The following PDE4B variants were observed in gnomAD, a reference collection of about 807,000 sequenced individuals.
PDE4B encodes phosphodiesterase 4B.
A neutral mutation model predicts 82.2 loss-of-function variants in PDE4B; 20 were observed. The ratio of observed to expected loss-of-function variants is 0.24; its 90% CI spans 0.17 to 0.35. The LOEUF (loss-of-function observed/expected upper bound fraction) is 0.35, where lower values mean the gene tolerates loss of function less well. Ranked by LOEUF, PDE4B falls within the 10% of genes least tolerant of loss-of-function variation. The pLI is 1.00. For missense variants in PDE4B, 655 were observed against 907.2 expected (o/e 0.72, Z 3.57); for synonymous variants, 320 against 318.9 (o/e 1.00, Z -0.04).
intron 3 of PDE4B, among the ~76,000 whole-genome samples, chr1:66,112,097 A>G (rs1276092777): frequency 5.3e-5 from 8 of 152,142 alleles, no homozygotes; most frequent in Non-Finnish European, 1.2e-4. Flanking sequence ...AGTACTTGTT[A>G]CAGGCAAAGA....
chr1:65,831,184 T>C (rs1646077845), intron 1 of PDE4B, among the ~76,000 whole-genome samples: 1 of 151,680 alleles, frequency 6.6e-6, no homozygotes, highest in African/African-American at 2.4e-5. Context: ...AAATAAATAA[T>C]AAAGATTAGA....
chr1:66,328,147 A>G (rs1659865564), intron 7 of PDE4B, among the ~76,000 whole-genome samples: 1 of 152,218 alleles, frequency 6.6e-6, no homozygotes, highest in South Asian at 2.1e-4. Context: ...TATTATAATT[A>G]TTTACTAAAT....
At chr1:66,353,140 A>G (rs1057506043) in intron 8 of PDE4B, among the ~76,000 whole-genome samples, 2 of 152,198 alleles carry the variant, frequency 1.3e-5, no homozygotes, top group Admixed American at 1.3e-4. Flanking sequence ...AAAACGAAAT[A>G]ATTTGGAATT....
intron 3 of PDE4B, among the ~76,000 whole-genome samples, chr1:66,015,070 C>A (rs922257623): frequency 6.6e-6 from 1 of 152,074 alleles, no homozygotes; most frequent in Admixed American, 6.6e-5. Flanking sequence ...CATATACATC[C>A]AGTTAGGTTT....
At chr1:66,256,897 C>A (rs868735549) in intron 4 of PDE4B, among the ~76,000 whole-genome samples, 2 of 152,160 alleles carry the variant, frequency 1.3e-5, no homozygotes, top group Non-Finnish European at 2.9e-5. Context: ...CTTCTAGTAC[C>A]TTCAATAGAG....
chr1:65,981,912 T>G (rs1650710820), intron 3 of PDE4B, among the ~76,000 whole-genome samples: 1 of 152,172 alleles, frequency 6.6e-6, no homozygotes, highest in Non-Finnish European at 1.5e-5. Flanking sequence ...GCTGATGCCT[T>G]CATTTTTGGA....
chr1:66,253,327 G>A (rs951344035), intron 4 of PDE4B, among the ~76,000 whole-genome samples: 1 of 152,198 alleles, frequency 6.6e-6, no homozygotes. Flanking sequence ...AACAGAGAAA[G>A]GTGGAATGAA....
rs562277747 is a variant in PDE4B, at chr1:65,887,569, C to T, written c.-70-25676C>T. Among the ~76,000 whole-genome samples, 23 of 150,652 alleles carry T rather than the reference C, an allele frequency of 1.5e-4. No homozygotes were observed. In the East Asian group the frequency reaches 1.6e-3, roughly 10 times the overall value. On this transcript the variant is annotated intron_variant, in intron 1 of 16. Transcript: ENST00000341517. ...AGTAGCCAGGACTACAGGTGCCCAC[C>T]AGCATATTTGGCTAATTTTTGTATT... is the stretch of plus-strand genomic sequence containing the variant.
intron 3 of PDE4B, among the ~76,000 whole-genome samples, chr1:65,983,635 A>G (rs1415229972): frequency 6.6e-6 from 1 of 152,208 alleles, no homozygotes; most frequent in Non-Finnish European, 1.5e-5. Flanking sequence ...GAAGGCAGCC[A>G]TCTATAAGCC....
chr1:65,974,073 A>G (rs1485997959), intron 3 of PDE4B, among the ~76,000 whole-genome samples: 3 of 152,104 alleles, frequency 2.0e-5, no homozygotes, highest in Non-Finnish European at 2.9e-5. Flanking sequence ...TCAGCCTCCC[A>G]AAGTGCTGGA....
chr1:65,941,923 G>A (rs1184733543), intron 3 of PDE4B, among the ~76,000 whole-genome samples: 4 of 152,016 alleles, frequency 2.6e-5, no homozygotes, highest in African/African-American at 9.6e-5. Flanking sequence ...TCTGGCATCA[G>A]CCTTTTCAAA....
At chr1:66,228,007 A>C (rs1046347788) in intron 3 of PDE4B, among the ~76,000 whole-genome samples, 1 of 151,898 alleles carries the variant, frequency 6.6e-6, no homozygotes, top group African/African-American at 2.4e-5. Flanking sequence ...CCCCACTCTC[A>C]TTTCCTGCTA....
intron 3 of PDE4B, among the ~76,000 whole-genome samples, chr1:66,096,304 T>A (rs1645112821): frequency 6.6e-6 from 1 of 151,474 alleles, no homozygotes; most frequent in African/African-American, 2.4e-5. Context: ...TCACTGAAAC[T>A]GCTTTGTTGA....
At chr1:66,095,066 G>A (rs1257961319) in intron 3 of PDE4B, among the ~76,000 whole-genome samples, 1 of 151,808 alleles carries the variant, frequency 6.6e-6, no homozygotes, top group Admixed American at 6.6e-5. Context: ...GCCTTGACCT[G>A]TATGCCCTTA....
At chr1:66,181,896 T>C (rs1172522377) in intron 3 of PDE4B, among the ~76,000 whole-genome samples, 1 of 152,120 alleles carries the variant, frequency 6.6e-6, no homozygotes, top group Non-Finnish European at 1.5e-5. Flanking sequence ...TGGATAGCCT[T>C]AGTAGTTTGA....
At chr1:66,077,849 A>G (rs1036965568) in intron 3 of PDE4B, among the ~76,000 whole-genome samples, 13 of 152,124 alleles carry the variant, frequency 8.5e-5, no homozygotes, top group African/African-American at 3.1e-4. Flanking sequence ...TTTATTTTTT[A>G]TATCTTCAGA....
chr1:66,163,660 GTCA>G (rs1466185364), intron 3 of PDE4B, among the ~76,000 whole-genome samples: 16 of 152,226 alleles, frequency 1.1e-4, no homozygotes, highest in African/African-American at 3.6e-4. Flanking sequence ...TAACAAAACA[GTCA>G]TGTTTTAGCA....
At chr1:66,136,116 T>TA (rs1646050106) in intron 3 of PDE4B, among the ~76,000 whole-genome samples, 1 of 152,162 alleles carries the variant, frequency 6.6e-6, no homozygotes, top group South Asian at 2.1e-4. Context: ...GCTGGCTACT[T>TA]ACAGCCCCTT....
chr1:66,210,258 C>T (rs1649914966), intron 3 of PDE4B, among the ~76,000 whole-genome samples: 1 of 152,176 alleles, frequency 6.6e-6, no homozygotes, highest in South Asian at 2.1e-4. Context: ...GTCAGTCAGG[C>T]TTCTCAGTTC....
Sources: allele counts gnomAD v4.1 joint callset (sites outside exome capture counted in the v4.1 genomes callset), GRCh38; gene constraint gnomAD v4.1.1; transcripts MANE v1.5; gene names NCBI Gene and HGNC (gene_info 2026-07-23, HGNC 2026-07-21).